Variants in COL6A2 observed in about 807,000 individuals in gnomAD.
COL6A2 encodes the protein collagen type VI alpha 2 chain.
In COL6A2, 90 loss-of-function variants were observed where a neutral mutation model predicts 124.9. That is an observed-to-expected ratio of 0.72 (90% CI 0.61 to 0.86). The LOEUF is 0.86. COL6A2 is among the 40% of genes least tolerant of loss of function. The probability of loss-of-function intolerance (pLI) is 0.00; values close to 1 mark genes in which losing one functional copy is unlikely to be tolerated. For missense variants in COL6A2, 1,607 were observed against 1,502.5 expected, an observed-to-expected ratio of 1.07 and a Z score of -1.15; for synonymous variants, 793 against 618.2, an observed-to-expected ratio of 1.28 and a Z score of -4.19.
Position 46,128,829 on chromosome 21 carries a change from G to A in COL6A2, c.2461+2288G>A, listed in dbSNP as rs951429361. 1.1e-4 allele frequency: 143 copies of A among 1,266,558 alleles called. 2 individuals are homozygous for A. Among genetic ancestry groups the A allele is most frequent in the Middle Eastern group, 9.2e-4 (5 of 5,422 alleles). 78.5% of individuals were successfully genotyped at this position (1,266,558 alleles called of 1,614,324 possible). ...GCTTTCTCAGGCGGGCTCTTGAGGG[G>A]TGGCTGGGGTCTTCCTGGCGACGGG... On this transcript the variant is annotated intron_variant, in intron 27 of 27. Transcript: ENST00000300527.
intron 23 of COL6A2, 112 bp from the exon 24 acceptor site, chr21:46,125,154 G>A (rs2078640911): frequency 8.7e-7 from 1 of 1,144,942 alleles, no homozygotes; most frequent in East Asian, 2.4e-5. Flanking sequence ...CTCCCCGCAT[G>A]GCTGCCTCCA....
intron 27 of COL6A2, among the ~76,000 whole-genome samples, chr21:46,131,239 G>A (rs905951244): frequency 6.6e-6 from 1 of 152,236 alleles, no homozygotes; most frequent in Non-Finnish European, 1.5e-5. Flanking sequence ...GGCCCCACGT[G>A]ACACCCACAC....
chr21:46,115,810 G>A lies in COL6A2; in HGVS notation c.802-62G>A. ...TCACCTCTCAGAGGAGCTGTGGCAG[G>A]GTCCCCAGCTGCCTACCGCCCACCC... On this transcript the variant is annotated intron_variant, in intron 5 of 27. Coordinates refer to ENST00000300527, the MANE Select transcript of COL6A2 (RefSeq NM_001849.4). The A allele has an allele frequency of 3.4e-6, 5 of 1,463,342 alleles. 1 individual carries two copies. In the South Asian group the frequency reaches 4.6e-5, roughly 14 times the overall value. 90.6% of individuals were successfully genotyped at this position (1,463,342 alleles called of 1,614,324 possible). A position where few individuals can be genotyped will look rare whatever the true frequency, so the allele number is the denominator to read the frequency against.
intron 25 of COL6A2, 32 bp downstream of exon 25, chr21:46,125,649 G>C (rs754343812): frequency 3.1e-6 from 5 of 1,602,780 alleles, no homozygotes; most frequent in Admixed American, 3.4e-5. Flanking sequence ...GCAGCATTGC[G>C]GGGGGCCGGG....
rs114418999 is a variant in COL6A2 at position 46,120,958 on chromosome 21, C to T, written c.1396-103C>T. On this transcript the variant is annotated intron_variant, in intron 16 of 27. Coordinates refer to ENST00000300527, the MANE Select transcript of COL6A2 (RefSeq NM_001849.4). ...GGGTCATAGGGGCCGGGGCCAGACCCGTCTTACCCCCGAGGCCCTGCAGTG... is the reference window on the plus strand; with the variant it reads ...GGGTCATAGGGGCCGGGGCCAGACCTGTCTTACCCCCGAGGCCCTGCAGTG... 2,357 of 1,118,766 alleles carry T rather than the reference C, an allele frequency of 2.1e-3. 34 individuals carry two copies. The African/African-American group carries it at 0.032, about 15-fold the overall frequency. 69.3% of individuals were successfully genotyped at this position (1,118,766 alleles called of 1,614,324 possible). A position where few individuals can be genotyped will look rare whatever the true frequency, so the allele number is the denominator to read the frequency against.
intron 1 of COL6A2, among the ~76,000 whole-genome samples, chr21:46,101,948 C>A (rs2123592439): frequency 7.7e-6 from 1 of 129,652 alleles, no homozygotes; most frequent in South Asian, 2.6e-4. Flanking sequence ...AAAAAACAAT[C>A]ACTGGGATTT....
chr21:46,132,468 C>G lies in COL6A2; in HGVS notation c.2976C>G (p.Asp992Glu). ...MDVLTTLSLG[D>E]RAAVFHEKDY... ...TGCTCACCACGCTCAGCCTGGGTGA[C>G]CGCGCCGCCGTGTTCCACGAGAAGG... Residue 992 changes from aspartate to glutamate, a missense_variant, in exon 28 of 28, where the codon GAC becomes GAG. This residue lies in a region of COL6A2 where 1,223 missense variants were observed against 1,052.2 expected (regional missense o/e 1.16). Coordinates refer to ENST00000300527, the MANE Select transcript of COL6A2 (RefSeq NM_001849.4). 6.8e-6 allele frequency: 11 copies of G among 1,606,356 alleles called. No homozygotes were observed. The highest frequency in any genetic ancestry group is 9.3e-6 in the Non-Finnish European group (11 of 1,177,308).
intron 23 of COL6A2, 76 bp downstream of exon 23, chr21:46,124,996 A>T (rs1285876414): frequency 6.4e-7 from 1 of 1,558,668 alleles, no homozygotes; most frequent in Non-Finnish European, 8.8e-7. Context: ...GGGTGGGGGA[A>T]GGTCAGCTGG....
intron 4 of COL6A2, among the ~76,000 whole-genome samples, chr21:46,113,170 T>G (rs1435044938): frequency 6.6e-6 from 1 of 151,700 alleles, no homozygotes. Context: ...ATCATCGGGG[T>G]CCATGACATC....
Position 46,125,025 on chromosome 21 carries a change from T to C in COL6A2, c.1770+105T>C. ...CAGCTGGCACGGTCAGAGAGCAAGA[T>C]CAGTGGAGGAGGTCAGAGGGCAAGG... On this transcript the variant is annotated intron_variant, in intron 23 of 27. Transcript: ENST00000300527. 2.1e-6 allele frequency: 3 copies of C among 1,412,788 alleles called. No individual in the cohort carries two copies. The South Asian group carries it at 3.5e-5, about 16-fold the overall frequency. 87.5% of individuals were successfully genotyped at this position (1,412,788 alleles called of 1,614,324 possible). A position where few individuals can be genotyped will look rare whatever the true frequency, so the allele number is the denominator to read the frequency against.
At chr21:46,108,723 A>T (rs767797887) in intron 1 of COL6A2, among the ~76,000 whole-genome samples, 1 of 152,154 alleles carries the variant, frequency 6.6e-6, no homozygotes, top group Non-Finnish European at 1.5e-5. Context: ...TTAACTTCAT[A>T]TTATAGTTCT....
intron 27 of COL6A2, chr21:46,129,547 G>A: frequency 6.7e-7 from 1 of 1,492,890 alleles, no homozygotes; most frequent in Non-Finnish European, 8.9e-7. Context: ...AGCTTCCCAG[G>A]GCTGCCCCCG....
rs754269869 is a variant in COL6A2, at chr21:46,111,987, G to A, written c.124G>A (p.Asp42Asn). The change falls in exon 3 of 28, where the codon GAC becomes AAC. Residue 42 changes from aspartate (D) to asparagine (N), a missense_variant. Asp to Asn is a conservative substitution (Grantham distance 23). Transcript: ENST00000300527. ...GGTCCTGTGCCCCACAGAGAAGACC[G>A]ACTGCCCCATCCACGTGTACTTCGT... ...ERNNNCPEKT[D>N]CPIHVYFVLD... The A allele has an allele frequency of 8.1e-6, 13 of 1,611,734 alleles. No homozygotes were observed. The highest frequency in any genetic ancestry group is 5.3e-5 in the African/African-American group (4 of 74,896).
intron 1 of COL6A2, among the ~76,000 whole-genome samples, chr21:46,103,931 G>GACT (rs1167569338): frequency 6.6e-6 from 1 of 152,116 alleles, no homozygotes; most frequent in Non-Finnish European, 1.5e-5. Context: ...AGACATTGAA[G>GACT]ACTAGCACAT....
Position 46,130,741 on chromosome 21 carries a change from G to A in COL6A2, c.2462-1213G>A, listed in dbSNP as rs867255966. Reference sequence around the variant, plus strand: ...AGTGAAAATGTTATTAGTTTTGAGGGGGTTTGGGAAGCCCAGCGGTACCTG... The same window carrying A: ...AGTGAAAATGTTATTAGTTTTGAGGAGGTTTGGGAAGCCCAGCGGTACCTG... On this transcript the variant is annotated intron_variant, in intron 27 of 27. Transcript: ENST00000300527. Among the ~76,000 whole-genome samples, 5 of 152,310 alleles carry A rather than the reference G, an allele frequency of 3.3e-5. No individual in the cohort carries two copies. The South Asian group carries it at 6.2e-4, about 19-fold the overall frequency.
chr21:46,113,031 G>A (rs1463488059), intron 4 of COL6A2: 13 of 653,608 alleles, frequency 2.0e-5, no homozygotes, highest in African/African-American at 5.4e-5. Context: ...GAGGGTCAGC[G>A]TTAGGGTCAC....
Position 46,127,037 on chromosome 21 carries a change from C to T in COL6A2, c.2461+496C>T, listed in dbSNP as rs550551135. 4.6e-5 allele frequency among the ~76,000 whole-genome samples: 7 copies of T among 152,290 alleles called. No individual in the cohort carries two copies. The East Asian group carries it at 1.4e-3, about 29-fold the overall frequency. On this transcript the variant is annotated intron_variant, in intron 27 of 27. Coordinates refer to ENST00000300527, the MANE Select transcript of COL6A2 (RefSeq NM_001849.4). ...TCACATCTCTGGGAGTGGGGGAGCC[C>T]ATGTCCCGGATGTGGCCCACGTGGG...
At chr21:46,120,647 G>T (rs776335127) in intron 16 of COL6A2, 70 bp downstream of exon 16, 427 of 1,378,234 alleles carry the variant, frequency 3.1e-4, no homozygotes, top group Non-Finnish European at 4.0e-4. Context: ...TGCACCCCAA[G>T]GTAGGGTGGC....
Position 46,132,287 on chromosome 21 carries a change from C to A in COL6A2, c.2795C>A (p.Pro932Gln). 6.2e-7 allele frequency: 1 copy of A among 1,606,806 alleles called. No individual in the cohort carries two copies. Among genetic ancestry groups the A allele is most frequent in the African/African-American group, 1.3e-5 (1 of 75,010 alleles). The part of the protein sequence containing the change: ...VHAINAIVRS[P>Q]RGGARRHAEL... ...GCCATCAATGCCATCGTGCGCAGCC[C>A]GCGTGGCGGGGCCCGGAGGCACGCA... is the stretch of plus-strand genomic sequence containing the variant. Residue 932 changes from proline (P) to glutamine (Q), a missense_variant, in exon 28 of 28, where the codon CCG becomes CAG. Pro to Gln is a moderately conservative substitution (Grantham distance 76). This residue lies in a region of COL6A2 where 1,223 missense variants were observed against 1,052.2 expected (regional missense o/e 1.16). Coordinates refer to ENST00000300527, the MANE Select transcript of COL6A2 (RefSeq NM_001849.4).
Sources: allele counts gnomAD v4.1 joint callset (sites outside exome capture counted in the v4.1 genomes callset), GRCh38; gene constraint gnomAD v4.1.1; regional missense constraint gnomAD v4.1.1; transcripts MANE v1.5; gene names NCBI Gene and HGNC (gene_info 2026-07-23, HGNC 2026-07-21).